The following ELOVL7 variants were observed in gnomAD, a reference collection of about 807,000 sequenced individuals.
ELOVL7 encodes ELOVL fatty acid elongase 7.
A neutral mutation model predicts 35.7 loss-of-function variants in ELOVL7; 27 were observed. The observed-to-expected ratio is 0.76, with a 90% CI of 0.56 to 1.04. The LOEUF (loss-of-function observed/expected upper bound fraction) is 1.04. Among genes scored for constraint, ELOVL7 ranks in the 50% least tolerant of loss-of-function variants. ELOVL7 has a pLI of 0.00. For missense variants in ELOVL7, 327 were observed against 340.8 expected, an observed-to-expected ratio of 0.96 and a Z score of 0.32; for synonymous variants, 113 against 114.6, an observed-to-expected ratio of 0.99 and a Z score of 0.09.
chr5:60,819,539 A>T (rs1182779950), intron 1 of ELOVL7, among the ~76,000 whole-genome samples: 4 of 152,090 alleles, frequency 2.6e-5, no homozygotes, highest in Non-Finnish European at 5.9e-5. Context: ...CCCAGCACTT[A>T]GGGAGGCCGA....
chr5:60,826,478 G>A (rs761395288), intron 1 of ELOVL7, among the ~76,000 whole-genome samples: 1 of 152,080 alleles, frequency 6.6e-6, no homozygotes, highest in Non-Finnish European at 1.5e-5. Flanking sequence ...TCATAGCAGT[G>A]TCCTCTGGGA....
At chr5:60,826,700 G>A (rs541412056) in intron 1 of ELOVL7, among the ~76,000 whole-genome samples, 91 of 152,230 alleles carry the variant, frequency 6.0e-4, no homozygotes, top group African/African-American at 2.2e-3. Context: ...GCTATGGGAT[G>A]GGAAATGAGA....
chr5:60,764,559 A>C (rs1017815967), intron 6 of ELOVL7, among the ~76,000 whole-genome samples: 7 of 152,186 alleles, frequency 4.6e-5, no homozygotes, highest in African/African-American at 1.7e-4. Flanking sequence ...ACCAATAAAA[A>C]GGCAAAAAGA....
chr5:60,797,080 T>C (rs573338973), intron 2 of ELOVL7, among the ~76,000 whole-genome samples: 18 of 152,340 alleles, frequency 1.2e-4, no homozygotes, highest in Non-Finnish European at 2.2e-4. Flanking sequence ...GCTGGAATTG[T>C]CACTTATTAT....
chr5:60,825,220 C>G (rs1182881021), intron 1 of ELOVL7, among the ~76,000 whole-genome samples: 1 of 152,124 alleles, frequency 6.6e-6, no homozygotes, highest in South Asian at 2.1e-4. Flanking sequence ...CTGCATTGAT[C>G]CCCTTGTCCT....
chr5:60,803,784 A>G (rs567822454), intron 1 of ELOVL7, among the ~76,000 whole-genome samples: 15 of 152,190 alleles, frequency 9.9e-5, no homozygotes, highest in Non-Finnish European at 2.1e-4. Context: ...CACATTTTCT[A>G]TATGAATTAA....
intron 7 of ELOVL7, among the ~76,000 whole-genome samples, chr5:60,759,884 A>C (rs951170260): frequency 6.7e-4 from 101 of 151,590 alleles, no homozygotes; most frequent in African/African-American, 2.3e-3. Context: ...TGAGAATATG[A>C]GGTGTTTGGT....
chr5:60,757,221 G>GCATAACAAC (rs1272723255), intron 8 of ELOVL7, among the ~76,000 whole-genome samples: 2 of 152,056 alleles, frequency 1.3e-5, no homozygotes, highest in African/African-American at 2.4e-5. Context: ...GCCTATTGAG[G>GCATAACAAC]GTCACATAAC....
At chr5:60,783,963 G>T in intron 3 of ELOVL7, 1 of 577,484 alleles carries the variant, frequency 1.7e-6, no homozygotes, top group South Asian at 2.3e-5. Flanking sequence ...TAGAAGCAGA[G>T]GATGGGAAGG....
intron 3 of ELOVL7, among the ~76,000 whole-genome samples, chr5:60,776,204 AC>A (rs1339499869): frequency 6.6e-6 from 1 of 152,212 alleles, no homozygotes; most frequent in East Asian, 1.9e-4. Flanking sequence ...CAAGCGGCCA[AC>A]AAACATTAAA....
At chr5:60,776,286 G>T (rs1354213855) in intron 3 of ELOVL7, among the ~76,000 whole-genome samples, 1 of 152,184 alleles carries the variant, frequency 6.6e-6, no homozygotes, top group Non-Finnish European at 1.5e-5. Context: ...TGGTGGAAAT[G>T]CAAATTAGTT....
chr5:60,760,204 G>A (rs1741815471), intron 7 of ELOVL7, among the ~76,000 whole-genome samples: 2 of 152,154 alleles, frequency 1.3e-5, no homozygotes, highest in Admixed American at 1.3e-4. Context: ...GATCCCTGAG[G>A]AATCGCCACA....
intron 1 of ELOVL7, among the ~76,000 whole-genome samples, chr5:60,831,476 G>A (rs1367792393): frequency 2.0e-5 from 3 of 152,266 alleles, no homozygotes; most frequent in Admixed American, 2.0e-4. Context: ...CCATAGACCA[G>A]CCTCAAGTTT....
At chr5:60,820,815 C>T (rs1228802764) in intron 1 of ELOVL7, among the ~76,000 whole-genome samples, 9 of 152,136 alleles carry the variant, frequency 5.9e-5, no homozygotes, top group Non-Finnish European at 1.2e-4. Flanking sequence ...GTCCCTTCCC[C>T]TTTCCTTCAA....
At chr5:60,805,533 T>C (rs991657705) in intron 1 of ELOVL7, among the ~76,000 whole-genome samples, 2 of 152,198 alleles carry the variant, frequency 1.3e-5, no homozygotes, top group Admixed American at 1.3e-4. Context: ...ATCAATGTGG[T>C]GCTTTGAAAA....
At position 60,780,188 on chromosome 5, in the gene ELOVL7, C is replaced by T. The variant is rs28866030; in HGVS notation, c.64+7146G>A. On this transcript the variant is annotated intron_variant, in intron 3 of 8. Transcript: ENST00000508821. ...AGGCTGGAGTGCAACGGTACGATCT[C>T]GGCTCACTGCAACCTCTGCCTCCCG... Among the ~76,000 whole-genome samples, 14 of 147,792 alleles carry T rather than the reference C, an allele frequency of 9.5e-5. No homozygotes were observed. In the East Asian group the frequency reaches 1.2e-3, roughly 13 times the overall value.
intron 1 of ELOVL7, among the ~76,000 whole-genome samples, chr5:60,839,705 T>C (rs1022010977): frequency 2.6e-5 from 4 of 152,226 alleles, no homozygotes; most frequent in Admixed American, 1.3e-4. Context: ...GTTTGGTAAA[T>C]AGCAACCTTC....
chr5:60,788,859 CCATTTTA>C (rs1254144372), intron 2 of ELOVL7, among the ~76,000 whole-genome samples: 1 of 151,954 alleles, frequency 6.6e-6, no homozygotes, highest in African/African-American at 2.4e-5. Flanking sequence ...TAAAGTAAAG[CCATTTTA>C]CTTACGTAAG....
At chr5:60,769,107 A>C (rs528040377) in intron 4 of ELOVL7, among the ~76,000 whole-genome samples, 1 of 152,364 alleles carries the variant, frequency 6.6e-6, no homozygotes, top group Non-Finnish European at 1.5e-5. Flanking sequence ...GGTAAGTTAT[A>C]AAATCTTGAA....
Sources: allele counts gnomAD v4.1 joint callset (sites outside exome capture counted in the v4.1 genomes callset), GRCh38; gene constraint gnomAD v4.1.1; transcripts MANE v1.5; gene names NCBI Gene and HGNC (gene_info 2026-07-23, HGNC 2026-07-21).